Variants in ATP2A3 observed in about 807,000 individuals in gnomAD.
ATP2A3 encodes the protein ATPase sarcoplasmic/endoplasmic reticulum Ca2+ transporting 3.
In ATP2A3, 61 loss-of-function variants were observed where a neutral mutation model predicts 106.8. That is an observed-to-expected ratio of 0.57 (90% confidence interval 0.46 to 0.71). The LOEUF (loss-of-function observed/expected upper bound fraction) is 0.71, where lower values mean the gene tolerates loss of function less well. Ranked by LOEUF, ATP2A3 falls within the 30% of genes least tolerant of loss-of-function variation. ATP2A3 has a pLI of 0.00. For missense variants in ATP2A3, 1,201 were observed against 1,423.5 expected (o/e 0.84, Z 2.52); for synonymous variants, 611 against 609.3 (o/e 1.00, Z -0.04).
At chr17:3,963,683 C>T (rs1270864015) in intron 1 of ATP2A3, among the ~76,000 whole-genome samples, 2 of 152,082 alleles carry the variant, frequency 1.3e-5, no homozygotes, top group African/African-American at 4.8e-5. Flanking sequence ...GGGTGGGGGC[C>T]CCAAGGCTGC....
Position 3,951,265 on chromosome 17 carries a change from A to G in ATP2A3, c.449T>C (p.Ile150Thr), listed in dbSNP as rs147822277. The change falls in exon 5 of 21, where the codon ATT (isoleucine) becomes ACT (threonine). Residue 150 changes from isoleucine to threonine, a missense_variant. Ile to Thr is a moderately conservative substitution (Grantham distance 89, BLOSUM62 -1). Coordinates refer to ENST00000397041, the MANE Select transcript of ATP2A3 (RefSeq NM_005173.4). Reference sequence around the variant, plus strand: ...CCCCGGCATACCTGCCACTTCTACAATGTCCCCTGGGACGATGTCCCGGGC... The same window carrying G: ...CCCCGGCATACCTGCCACTTCTACAGTGTCCCCTGGGACGATGTCCCGGGC... Reference protein sequence around the residue: ...IRARDIVPGDIVEVAVGDKVP... With the variant: ...IRARDIVPGDTVEVAVGDKVP... 1.7e-4 allele frequency: 271 copies of G among 1,607,220 alleles called. 3 individuals carry two copies. Among genetic ancestry groups the G allele is most frequent in the Non-Finnish European group, 2.1e-4 (243 of 1,176,852 alleles).
Position 3,936,833 on chromosome 17 carries a change from C to A in ATP2A3, c.2322-364G>T. The A allele has an allele frequency of 2.7e-6, 1 of 368,774 alleles. No homozygotes were observed. Among genetic ancestry groups the A allele is most frequent in the Non-Finnish European group, 5.2e-6 (1 of 190,894 alleles). The allele number at this position is 368,774 out of a possible 1,614,324, so 22.8% of individuals were successfully genotyped here. The stretch of plus-strand genomic sequence containing the variant: ...TGCCACACCATCCGGCAAACACAAG[C>A]AAACACCTACATATCTGCCCTGAGG... On this transcript the variant is annotated intron_variant, in intron 15 of 20. Coordinates refer to ENST00000397041, the MANE Select transcript of ATP2A3 (RefSeq NM_005173.4). The surrounding 1 kb of genome is among the most constrained non-coding windows in gnomAD (Gnocchi z 5.4).
In ATP2A3 at chr17:3,947,944, T is replaced by C; in HGVS notation, c.631-89A>G. The C allele has an allele frequency of 7.7e-7, 1 of 1,299,538 alleles. No individual in the cohort carries two copies. The highest frequency in any genetic ancestry group is 1.1e-6 in the Non-Finnish European group (1 of 925,860). 80.5% of individuals were successfully genotyped at this position (1,299,538 alleles called of 1,614,324 possible). On this transcript the variant is annotated intron_variant, in intron 7 of 20. Coordinates refer to ENST00000397041, the MANE Select transcript of ATP2A3 (RefSeq NM_005173.4). This position sits in a 1 kb window ranked among gnomAD's most constrained non-coding sequence, Gnocchi z 7.7. ...CTCCTTCAGGCCGGAATAAGGCACT[T>C]ATCCTTCTACCCGGCTTTCCTTTTC...
At chr17:3,961,285 G>T (rs977075021) in intron 1 of ATP2A3, among the ~76,000 whole-genome samples, 1 of 152,212 alleles carries the variant, frequency 6.6e-6, no homozygotes, top group East Asian at 1.9e-4. Flanking sequence ...AAATAAAAAA[G>T]ATGTACAAGT....
chr17:3,949,554 G>T (rs940593431), intron 7 of ATP2A3, among the ~76,000 whole-genome samples: 1 of 152,178 alleles, frequency 6.6e-6, no homozygotes, highest in Non-Finnish European at 1.5e-5. Flanking sequence ...GGGAAGGCAG[G>T]GTCTCCCAGC....
At chr17:3,960,516 T>A (rs1418083592) in intron 1 of ATP2A3, among the ~76,000 whole-genome samples, 2 of 152,216 alleles carry the variant, frequency 1.3e-5, no homozygotes, top group Admixed American at 1.3e-4. Context: ...CTCAGGTCAC[T>A]GGGGTCTCCA....
At chr17:3,963,829 C>T (rs757315737) in intron 1 of ATP2A3, among the ~76,000 whole-genome samples, 2 of 152,178 alleles carry the variant, frequency 1.3e-5, no homozygotes, top group Admixed American at 6.5e-5. Flanking sequence ...AGGATGCCAG[C>T]GGGAGCGGCG....
At chr17:3,957,384 C>T (rs1163234689) in intron 1 of ATP2A3, among the ~76,000 whole-genome samples, 1 of 152,196 alleles carries the variant, frequency 6.6e-6, no homozygotes, top group Non-Finnish European at 1.5e-5. Context: ...TTCCCTCCTC[C>T]ACTCTCTTTA....
rs545872077 is a variant in ATP2A3, at chr17:3,926,228, A to G, written c.2981-787T>C. 6.1e-4 allele frequency among the ~76,000 whole-genome samples: 93 copies of G among 152,314 alleles called. No individual in the cohort carries two copies. Among genetic ancestry groups the G allele is most frequent in the African/African-American group, 2.2e-3 (92 of 41,566 alleles). ...CATCAGGCTTCAGAAAAACTTCCCT[A>G]AAAGGCCACCCAGCTGGCTTGGGAG... On this transcript the variant is annotated intron_variant, in intron 20 of 20. Transcript: ENST00000397041. This position sits in a 1 kb window ranked among gnomAD's most constrained non-coding sequence, Gnocchi z 4.6.
At chr17:3,938,039 T>C (rs940185972) in intron 14 of ATP2A3, among the ~76,000 whole-genome samples, 2 of 152,116 alleles carry the variant, frequency 1.3e-5, no homozygotes, top group Non-Finnish European at 2.9e-5. Context: ...AGGTAGGTGT[T>C]GTAGTCAAGT....
Position 3,930,510 on chromosome 17 carries a change from T to C in ATP2A3, c.2611-76A>G, listed in dbSNP as rs2053011498. The C allele has an allele frequency of 6.6e-7, 1 of 1,506,072 alleles. No individual in the cohort carries two copies. The highest frequency in any genetic ancestry group is 8.9e-7 in the Non-Finnish European group (1 of 1,119,148). 93.3% of individuals were successfully genotyped at this position (1,506,072 alleles called of 1,614,324 possible). A position where few individuals can be genotyped will look rare whatever the true frequency, so the allele number is the denominator to read the frequency against. On this transcript the variant is annotated intron_variant, in intron 17 of 20. Coordinates refer to ENST00000397041, the MANE Select transcript of ATP2A3 (RefSeq NM_005173.4). This position sits in a 1 kb window ranked among gnomAD's most constrained non-coding sequence, Gnocchi z 5.4. ...GGTGGGTGGGAGGAGGGAAGCCTCATCCTGCCCTTGGCCCACGCCTGGGCA... is the reference window on the plus strand; with the variant it reads ...GGTGGGTGGGAGGAGGGAAGCCTCACCCTGCCCTTGGCCCACGCCTGGGCA...
chr17:3,964,288 C>A lies in ATP2A3; in HGVS notation c.4G>T (p.Glu2Ter), dbSNP rs1261664140. Reference sequence around the variant, plus strand: ...GCGGCCGGGAGCAGATGCGCCGCCTCCATGCCGCCCGCCCGGCCGTCTGCG... The same window carrying A: ...GCGGCCGGGAGCAGATGCGCCGCCTACATGCCGCCCGCCCGGCCGTCTGCG... M[E>*]AAHLLPAADV... The change falls in exon 1 of 21, where the codon GAG (glutamate) becomes TAG (stop). Residue 2 changes from glutamate to a stop codon, truncating the protein, a stop_gained. Coordinates refer to ENST00000397041, the MANE Select transcript of ATP2A3 (RefSeq NM_005173.4). LOFTEE classifies it high-confidence loss of function. 1 of 1,262,906 alleles carries A rather than the reference C, an allele frequency of 7.9e-7. No individual in the cohort carries two copies. The highest frequency in any genetic ancestry group is 4.4e-5 in the East Asian group (1 of 22,654). The allele number at this position is 1,262,906 out of a possible 1,614,324, so 78.2% of individuals were successfully genotyped here. A position where few individuals can be genotyped will look rare whatever the true frequency, so the allele number is the denominator to read the frequency against.
chr17:3,942,474 G>T, intron 12 of ATP2A3, 132 bp downstream of exon 12: 2 of 1,355,862 alleles, frequency 1.5e-6, no homozygotes, highest in Non-Finnish European at 2.0e-6. Context: ...CCGGTTAGAG[G>T]CAAAAGGGGC....
chr17:3,956,683 C>T (rs542688012), intron 1 of ATP2A3, among the ~76,000 whole-genome samples: 1 of 152,318 alleles, frequency 6.6e-6, no homozygotes, highest in Admixed American at 6.5e-5. Flanking sequence ...ACAGAGCACC[C>T]GGGGACCAGC....
chr17:3,936,127 C>T lies in ATP2A3; in HGVS notation c.2524+140G>A, dbSNP rs774697139. The T allele has an allele frequency of 4.4e-6, 5 of 1,128,198 alleles. No homozygotes were observed. The highest frequency in any genetic ancestry group is 5.3e-6 in the Non-Finnish European group (4 of 759,694). 69.9% of individuals were successfully genotyped at this position (1,128,198 alleles called of 1,614,324 possible). On this transcript the variant is annotated intron_variant, in intron 16 of 20. Coordinates refer to ENST00000397041, the MANE Select transcript of ATP2A3 (RefSeq NM_005173.4). The surrounding 1 kb of genome is among the most constrained non-coding windows in gnomAD (Gnocchi z 5.4). ...ATACTGAGACCCAGATCCCGCCATG[C>T]CTGGTCTTTTCCATTACATGAGCTC...
chr17:3,956,342 C>G (rs537172279), intron 1 of ATP2A3, among the ~76,000 whole-genome samples: 1 of 152,192 alleles, frequency 6.6e-6, no homozygotes, highest in South Asian at 2.1e-4. Flanking sequence ...ACTTCCCGGC[C>G]CCCGTGTGAG....
intron 17 of ATP2A3, among the ~76,000 whole-genome samples, chr17:3,933,842 G>C (rs958267092): frequency 6.6e-6 from 1 of 151,590 alleles, no homozygotes; most frequent in African/African-American, 2.4e-5. Context: ...CCACTGCTGT[G>C]CCCACTCCTT....
In ATP2A3 at chr17:3,926,244, G is replaced by A. The variant is rs981298655; in HGVS notation, c.2981-803C>T. The stretch of plus-strand genomic sequence containing the variant: ...AACTTCCCTAAAAGGCCACCCAGCT[G>A]GCTTGGGAGCGCAAAGGGTCCCTCT... On this transcript the variant is annotated intron_variant, in intron 20 of 20. Coordinates refer to ENST00000397041, the MANE Select transcript of ATP2A3 (RefSeq NM_005173.4). The surrounding 1 kb of genome is among the most constrained non-coding windows in gnomAD (Gnocchi z 4.6). Among the ~76,000 whole-genome samples the A allele has an allele frequency of 1.3e-5, 2 of 152,200 alleles. No individual in the cohort carries two copies. The highest frequency in any genetic ancestry group is 2.9e-5 in the Non-Finnish European group (2 of 68,038).
chr17:3,951,546 G>GCCCCCCCCCCCGGTCCCCC, intron 4 of ATP2A3, 35 bp downstream of exon 4: 1 of 1,319,566 alleles, frequency 7.6e-7, no homozygotes, highest in Non-Finnish European at 1.0e-6. Flanking sequence ...CTGGGAGACC[G>GCCCCCCCCCCCGGTCCCCC]CCCCCCGCCC....
Sources: gnomAD v4.1 joint callset for allele counts (sites outside exome capture counted in the v4.1 genomes callset) on GRCh38, gnomAD v4.1.1 for gene constraint, Gnocchi (gnomAD v3.1) non-coding constraint, MANE v1.5 for transcripts, NCBI Gene and HGNC (gene_info 2026-07-23, HGNC 2026-07-21) for gene names.